The following CDC42SE2 variants were observed in gnomAD, a reference collection of about 807,000 sequenced individuals.
CDC42SE2 encodes the protein CDC42 small effector 2, also known as CDC42 small effector protein 2.
Under a neutral mutation model 11.5 loss-of-function variants are expected in CDC42SE2, and 3 were observed. That is an observed-to-expected ratio of 0.26 (90% CI 0.12 to 0.67). The LOEUF (loss-of-function observed/expected upper bound fraction) is 0.67, where lower values mean the gene tolerates loss of function less well. Among genes scored for constraint, CDC42SE2 ranks in the 30% least tolerant of loss-of-function variants. The probability of loss-of-function intolerance (pLI) is 0.80; values close to 1 mark genes in which losing one functional copy is unlikely to be tolerated. For synonymous variants in CDC42SE2, 33 were observed against 34.8 expected (o/e 0.95, Z 0.18); for missense variants, 82 against 106.8 (o/e 0.77, Z 1.02).
intron 1 of CDC42SE2, among the ~76,000 whole-genome samples, chr5:131,294,661 G>A (rs1332922516): frequency 6.6e-6 from 1 of 152,144 alleles, no homozygotes; most frequent in African/African-American, 2.4e-5. Context: ...GTTATAAATA[G>A]GATGGCAAAG....
intron 3 of CDC42SE2, among the ~76,000 whole-genome samples, chr5:131,361,928 C>G (rs952319773): frequency 6.6e-6 from 1 of 152,136 alleles, no homozygotes; most frequent in African/African-American, 2.4e-5. Context: ...GTGTCTTCTT[C>G]CGCTGATGTG....
At chr5:131,235,210 C>T in the CDC42SE2 span, among the ~76,000 whole-genome samples, 6 of 151,862 alleles carry the variant, frequency 4.0e-5, no homozygotes, top group South Asian at 2.1e-4. Context: ...ATAGTCTTCA[C>T]TCAGTTTACT....
intron 1 of CDC42SE2, among the ~76,000 whole-genome samples, chr5:131,265,583 A>G (rs1756843088): frequency 6.6e-6 from 1 of 152,210 alleles, no homozygotes; most frequent in South Asian, 2.1e-4. Context: ...ATGCAAAGTT[A>G]TTTCCTTATT....
intron 1 of CDC42SE2, among the ~76,000 whole-genome samples, chr5:131,310,078 G>A (rs1561579848): frequency 6.6e-6 from 1 of 151,926 alleles, no homozygotes; most frequent in Admixed American, 6.6e-5. Context: ...TCTGTTGTGG[G>A]CATTTAGTGC....
intron 2 of CDC42SE2, among the ~76,000 whole-genome samples, chr5:131,335,790 C>A (rs562600141): frequency 6.6e-6 from 1 of 152,158 alleles, no homozygotes; most frequent in Non-Finnish European, 1.5e-5. Context: ...AAGATTGCAA[C>A]CCCTGCCTTT....
chr5:131,308,376 T>C (rs574418138), intron 1 of CDC42SE2, among the ~76,000 whole-genome samples: 137 of 151,888 alleles, frequency 9.0e-4, no homozygotes, highest in East Asian at 7.2e-3. Flanking sequence ...AGTCAGGTAG[T>C]GTGATGCCTC....
chr5:131,286,135 G>A (rs1374002822), intron 1 of CDC42SE2, among the ~76,000 whole-genome samples: 1 of 149,562 alleles, frequency 6.7e-6, no homozygotes, highest in Non-Finnish European at 1.5e-5. Context: ...GCTCACTGCA[G>A]CCTCAACCTC....
At chr5:131,294,360 G>A (rs1757524978) in intron 1 of CDC42SE2, among the ~76,000 whole-genome samples, 1 of 152,278 alleles carries the variant, frequency 6.6e-6, no homozygotes, top group African/African-American at 2.4e-5. Context: ...GACTTACTTT[G>A]CCTTGAAGGA....
chr5:131,243,118 C>T (rs1378943415), upstream of CDC42SE2, among the ~76,000 whole-genome samples: 4 of 152,076 alleles, frequency 2.6e-5, no homozygotes, highest in Non-Finnish European at 5.9e-5. Flanking sequence ...ATTTTTCTTT[C>T]CTTTTGAATT....
intron 4 of CDC42SE2, among the ~76,000 whole-genome samples, chr5:131,390,457 G>A (rs1750617166): frequency 6.6e-6 from 1 of 152,176 alleles, no homozygotes; most frequent in African/African-American, 2.4e-5. Flanking sequence ...GGCCGAAGCA[G>A]TCGGATCACT....
chr5:131,301,331 T>C lies in CDC42SE2; in HGVS notation c.-454-14645T>C, dbSNP rs562098400. Among the ~76,000 whole-genome samples, 26 of 152,266 alleles carry C rather than the reference T, an allele frequency of 1.7e-4. 1 individual carries two copies. The South Asian group carries it at 4.8e-3, about 28-fold the overall frequency. Reference sequence around the variant, plus strand: ...CTTCAAATAGCTAAAAGGAGAATTATTGAATGTTCCCAACACAAAGAAATG... The same window carrying C: ...CTTCAAATAGCTAAAAGGAGAATTACTGAATGTTCCCAACACAAAGAAATG... On this transcript the variant is annotated intron_variant, in intron 1 of 4. Transcript: ENST00000505065.
chr5:131,322,879 G>C lies in CDC42SE2; in HGVS notation c.-286+6735G>C, dbSNP rs74348998. Among the ~76,000 whole-genome samples the C allele has an allele frequency of 2.0e-3, 301 of 152,242 alleles. 1 individual carries two copies. The highest frequency in any genetic ancestry group is 7.0e-3 in the African/African-American group (290 of 41,526). On this transcript the variant is annotated intron_variant, in intron 2 of 4. Coordinates refer to ENST00000505065, the MANE Select transcript of CDC42SE2 (RefSeq NM_001375635.1). ...CTGTCATAATGTGTTCTCTATAGCA[G>C]TTGCACCATTTTACGGTATCACCAA...
chr5:131,247,314 T>C (rs1168854935), intron 1 of CDC42SE2, among the ~76,000 whole-genome samples: 5 of 152,170 alleles, frequency 3.3e-5, no homozygotes, highest in Non-Finnish European at 1.5e-5. Flanking sequence ...AAATGCTGTA[T>C]GATCATATTA....
the CDC42SE2 span, among the ~76,000 whole-genome samples, chr5:131,220,043 A>G: frequency 6.6e-6 from 1 of 152,150 alleles, no homozygotes; most frequent in South Asian, 2.1e-4. Context: ...TAATTCCTCT[A>G]TATTTCATGC....
At chr5:131,284,690 T>C (rs1046215099) in intron 1 of CDC42SE2, among the ~76,000 whole-genome samples, 6 of 152,060 alleles carry the variant, frequency 3.9e-5, no homozygotes, top group Non-Finnish European at 1.5e-5. Flanking sequence ...CCCAGGTTGG[T>C]TGTGAACTCC....
chr5:131,379,270 G>A (rs1750249967), intron 3 of CDC42SE2, among the ~76,000 whole-genome samples: 1 of 152,132 alleles, frequency 6.6e-6, no homozygotes, highest in African/African-American at 2.4e-5. Context: ...ACCTCAGGCT[G>A]TACCATCTTT....
chr5:131,264,381 G>C (rs1035605754), intron 1 of CDC42SE2, among the ~76,000 whole-genome samples: 1 of 152,128 alleles, frequency 6.6e-6, no homozygotes, highest in Admixed American at 6.5e-5. Context: ...CCCTGCCTTT[G>C]GTTTTTCTTC....
At chr5:131,253,554 C>T (rs1316241419) in intron 1 of CDC42SE2, among the ~76,000 whole-genome samples, 1 of 152,088 alleles carries the variant, frequency 6.6e-6, no homozygotes, top group Non-Finnish European at 1.5e-5. Context: ...CACCTGAGGT[C>T]AGGAGTTTGA....
At chr5:131,279,417 T>G (rs1346805177) in intron 1 of CDC42SE2, among the ~76,000 whole-genome samples, 11 of 151,798 alleles carry the variant, frequency 7.2e-5, no homozygotes, top group Admixed American at 7.2e-4. Flanking sequence ...AAAGCAGAAC[T>G]GATTCAGTTT....
Sources: gnomAD v4.1 joint callset for allele counts (sites outside exome capture counted in the v4.1 genomes callset) on GRCh38, gnomAD v4.1.1 for gene constraint, MANE v1.5 for transcripts, NCBI Gene and HGNC (gene_info 2026-07-23, HGNC 2026-07-21) for gene names.